The following SLC66A1 variants were observed in gnomAD, a reference collection of about 807,000 sequenced individuals.
SLC66A1 encodes lysosomal amino acid transporter 1 homolog.
A neutral mutation model predicts 33.0 loss-of-function variants in SLC66A1; 23 were observed. That is an observed-to-expected ratio of 0.70 (90% CI 0.50 to 0.99). SLC66A1 has a LOEUF of 0.99. Among genes scored for constraint, SLC66A1 ranks in the 50% least tolerant of loss-of-function variants. SLC66A1 has a pLI of 0.00. For missense variants in SLC66A1, 335 were observed against 383.6 expected (o/e 0.87, Z 1.06); for synonymous variants, 164 against 175.5 (o/e 0.93, Z 0.52).
rs1277439967 is a variant in SLC66A1, at chr1:19,328,106, T to G, written c.805-466T>G. On this transcript the variant is annotated intron_variant, in intron 7 of 7. Coordinates refer to ENST00000375153, the MANE Select transcript of SLC66A1 (RefSeq NM_001040125.2). This position sits in a 1 kb window ranked among gnomAD's most constrained non-coding sequence, Gnocchi z 4.7. ...CCGTTTTCAGTGAGGGCTCAGAAAG[T>G]GTTTGCTGAATGGCTGTAAAGAGCG... 3.7e-6 allele frequency: 1 copy of G among 267,084 alleles called. No homozygotes were observed. Among genetic ancestry groups the G allele is most frequent in the African/African-American group, 2.3e-5 (1 of 44,170 alleles). The allele number at this position is 267,084 out of a possible 1,614,324, so 16.5% of individuals were successfully genotyped here. A position where few individuals can be genotyped will look rare whatever the true frequency, so the allele number is the denominator to read the frequency against.
intron 1 of SLC66A1, among the ~76,000 whole-genome samples, chr1:19,313,553 C>T (rs1485701612): frequency 6.6e-6 from 1 of 152,142 alleles, no homozygotes; most frequent in African/African-American, 2.4e-5. Context: ...AGGTCCTGTC[C>T]AGCCAGCTCT....
rs1037975702 is a variant in SLC66A1, at chr1:19,328,297, T to TGGGCCAGGGTCAAGGGAGGC, written c.805-274_805-255dup. 1.3e-5 allele frequency among the ~76,000 whole-genome samples: 2 copies of TGGGCCAGGGTCAAGGGAGGC among 152,178 alleles called. No homozygotes were observed. Among genetic ancestry groups the TGGGCCAGGGTCAAGGGAGGC allele is most frequent in the Admixed American group, 1.3e-4 (2 of 15,286 alleles). On this transcript the variant is annotated intron_variant, in intron 7 of 7. Coordinates refer to ENST00000375153, the MANE Select transcript of SLC66A1 (RefSeq NM_001040125.2). This position sits in a 1 kb window ranked among gnomAD's most constrained non-coding sequence, Gnocchi z 4.7. Reference sequence around the variant, plus strand: ...CACAGCTGAGAGCAAGCGAAGATCCTGGGCCAGGGTCAAGGGAGGCTGCCC... The same window carrying TGGGCCAGGGTCAAGGGAGGC: ...CACAGCTGAGAGCAAGCGAAGATCCTGGGCCAGGGTCAAGGGAGGCGGGCCAGGGTCAAGGGAGGCTGCCC...
chr1:19,317,457 G>A (rs542206714), intron 1 of SLC66A1, 143 bp from the exon 2 acceptor site: 18 of 1,103,210 alleles, frequency 1.6e-5, no homozygotes, highest in Non-Finnish European at 2.1e-5. Flanking sequence ...ATTGGGTCCT[G>A]GTGGGTGAAG....
intron 1 of SLC66A1, among the ~76,000 whole-genome samples, chr1:19,316,361 G>A (rs78987609): frequency 1.4e-3 from 113 of 78,840 alleles, no homozygotes; most frequent in African/African-American, 5.0e-3. Context: ...GTTTGTGTGT[G>A]TGTGTGTGTG....
At chr1:19,329,661 C>T (rs1411795505), downstream of SLC66A1, among the ~76,000 whole-genome samples, 2 of 152,218 alleles carry the variant, frequency 1.3e-5, no homozygotes, top group East Asian at 3.8e-4. Context: ...CTGTCATTTC[C>T]TGTGTCCTTT....
In SLC66A1 at chr1:19,317,562, C is replaced by T. The variant is rs534453471; in HGVS notation, c.-78-38C>T. ...GGATGACCATGAATAGGACCTGGAC[C>T]TCCCAGTGCTGAAAGCCTCCTCCCT... On this transcript the variant is annotated intron_variant, in intron 1 of 7. Transcript: ENST00000375153. 2.7e-6 allele frequency: 4 copies of T among 1,502,800 alleles called. No homozygotes were observed. The East Asian group carries it at 9.2e-5, about 34-fold the overall frequency. 93.1% of individuals were successfully genotyped at this position (1,502,800 alleles called of 1,614,324 possible).
At position 19,320,699 on chromosome 1, in the gene SLC66A1, G is replaced by A. The variant is rs187111866; in HGVS notation, c.164+2858G>A. Among the ~76,000 whole-genome samples, 293 of 150,128 alleles carry A rather than the reference G, an allele frequency of 2.0e-3. 5 individuals are homozygous for A. The highest frequency in any genetic ancestry group is 7.0e-3 in the African/African-American group (281 of 39,910). On this transcript the variant is annotated intron_variant, in intron 2 of 7. Coordinates refer to ENST00000375153, the MANE Select transcript of SLC66A1 (RefSeq NM_001040125.2). ...CAAAGTGCTGGGATTACAGGCGTGA[G>A]CCACCGCACCTGGCCTCACTTCTTT...
intron 2 of SLC66A1, among the ~76,000 whole-genome samples, chr1:19,324,381 G>A (rs1360980770): frequency 6.6e-6 from 1 of 152,244 alleles, no homozygotes; most frequent in Non-Finnish European, 1.5e-5. Flanking sequence ...ATCTGAGTAA[G>A]GCTGCGGCTT....
chr1:19,320,686 A>G (rs2093831828), intron 2 of SLC66A1, among the ~76,000 whole-genome samples: 1 of 150,868 alleles, frequency 6.6e-6, no homozygotes, highest in African/African-American at 2.5e-5. Context: ...AAGTGCTGGG[A>G]TTACAGGCGT....
chr1:19,325,311 C>G (rs772050028), intron 3 of SLC66A1, among the ~76,000 whole-genome samples, 184 bp from the exon 4 acceptor site: 51 of 152,200 alleles, frequency 3.4e-4, no homozygotes, highest in Non-Finnish European at 5.4e-4. Context: ...CTTTCGCCCA[C>G]CTGTTCTGTC....
At chr1:19,314,889 A>G (rs1306430817) in intron 1 of SLC66A1, among the ~76,000 whole-genome samples, 2 of 133,548 alleles carry the variant, frequency 1.5e-5, no homozygotes, top group Admixed American at 7.4e-5. Flanking sequence ...CACCTGGACT[A>G]TATGGTTTTT....
chr1:19,316,353 T>TGTGTG (rs2093805482), intron 1 of SLC66A1, among the ~76,000 whole-genome samples: 3 of 144,818 alleles, frequency 2.1e-5, no homozygotes, highest in Non-Finnish European at 4.5e-5. Context: ...TCTTTATGGT[T>TGTGTG]TGTGTGTGTG....
At chr1:19,330,728 A>G (rs540820984), downstream of SLC66A1, among the ~76,000 whole-genome samples, 110 of 152,292 alleles carry the variant, frequency 7.2e-4, no homozygotes, top group African/African-American at 2.5e-3. Flanking sequence ...ACCAATGCCA[A>G]GGACAAGGTC....
At chr1:19,314,788 G>C (rs565846867) in intron 1 of SLC66A1, among the ~76,000 whole-genome samples, 1 of 152,228 alleles carries the variant, frequency 6.6e-6, no homozygotes, top group Admixed American at 6.5e-5. Flanking sequence ...ACTCTGCAAG[G>C]GGGTGTGGGG....
In SLC66A1 at chr1:19,328,205, G is replaced by T. The variant is rs1211476108; in HGVS notation, c.805-367G>T. The T allele has an allele frequency of 2.5e-6, 1 of 408,064 alleles. No homozygotes were observed. Among genetic ancestry groups the T allele is most frequent in the African/African-American group, 2.0e-5 (1 of 49,064 alleles). 25.3% of individuals were successfully genotyped at this position (408,064 alleles called of 1,614,324 possible). A position where few individuals can be genotyped will look rare whatever the true frequency, so the allele number is the denominator to read the frequency against. ...ATTTGTTAAGTCCCTGCCGGGCGCA[G>T]GGAGGGGTGAAAGTTTAGGCTCTTG... On this transcript the variant is annotated intron_variant, in intron 7 of 7. Coordinates refer to ENST00000375153, the MANE Select transcript of SLC66A1 (RefSeq NM_001040125.2). This position sits in a 1 kb window ranked among gnomAD's most constrained non-coding sequence, Gnocchi z 4.7.
intron 1 of SLC66A1, among the ~76,000 whole-genome samples, chr1:19,314,816 G>A (rs1480001026): frequency 1.3e-5 from 2 of 152,254 alleles, no homozygotes; most frequent in African/African-American, 4.8e-5. Context: ...CCAGTTGGCA[G>A]TGGTGGCTGA....
chr1:19,313,269 T>G (rs895266343), intron 1 of SLC66A1: 22 of 984,634 alleles, frequency 2.2e-5, no homozygotes, highest in Non-Finnish European at 2.7e-5. Context: ...AGCTCACAGC[T>G]TTCTCCCCTT....
chr1:19,323,914 G>T (rs983889311), intron 2 of SLC66A1, among the ~76,000 whole-genome samples: 5 of 152,198 alleles, frequency 3.3e-5, no homozygotes, highest in African/African-American at 1.2e-4. Context: ...GGTGTCTTGA[G>T]GACAGAATGA....
intron 1 of SLC66A1, chr1:19,313,320 C>T: frequency 2.3e-6 from 2 of 854,632 alleles, no homozygotes; most frequent in South Asian, 5.4e-5. Flanking sequence ...TCCACCCTTT[C>T]TCCTTTCTCA....
Sources: allele counts gnomAD v4.1 joint callset (sites outside exome capture counted in the v4.1 genomes callset), GRCh38; gene constraint gnomAD v4.1.1; non-coding constraint Gnocchi (gnomAD v3.1); transcripts MANE v1.5; gene names NCBI Gene and HGNC (gene_info 2026-07-23, HGNC 2026-07-21).